SMAD2: variants seen among roughly 807,000 people sequenced by gnomAD.
SMAD2 encodes the protein SMAD family member 2.
Under a neutral mutation model 64.4 loss-of-function variants are expected in SMAD2, and 8 were observed. That is an observed-to-expected ratio of 0.12 (90% CI 0.07 to 0.22). The LOEUF is 0.22. Among genes scored for constraint, SMAD2 ranks in the 10% least tolerant of loss-of-function variants. SMAD2 has a pLI of 1.00. For synonymous variants in SMAD2, 203 were observed against 195.8 expected (o/e 1.04, Z -0.31); for missense variants, 289 against 561.2 (o/e 0.51, Z 4.90).
intron 8 of SMAD2, among the ~76,000 whole-genome samples, chr18:47,847,304 A>G (rs1914594543): frequency 6.6e-6 from 1 of 152,186 alleles, no homozygotes; most frequent in African/African-American, 2.4e-5. Context: ...TCTAGTCACT[A>G]TCATTTTGCA....
At chr18:47,900,440 T>C (rs1598862599) in intron 1 of SMAD2, among the ~76,000 whole-genome samples, 1 of 152,158 alleles carries the variant, frequency 6.6e-6, no homozygotes. Context: ...GGCTGTAGGA[T>C]CCGTAGTGAT....
chr18:47,874,032 G>A (rs1479558663), intron 2 of SMAD2, among the ~76,000 whole-genome samples: 1 of 152,140 alleles, frequency 6.6e-6, no homozygotes, highest in Non-Finnish European at 1.5e-5. Context: ...TTTGCTCAAA[G>A]ATATTTTTTA....
At chr18:47,913,019 A>G (rs1001400696) in intron 1 of SMAD2, among the ~76,000 whole-genome samples, 1 of 151,990 alleles carries the variant, frequency 6.6e-6, no homozygotes, top group African/African-American at 2.4e-5. Flanking sequence ...TCCCAGGTTC[A>G]AGCAGTTCTC....
intron 2 of SMAD2, among the ~76,000 whole-genome samples, chr18:47,878,935 G>C (rs1212368697): frequency 6.6e-6 from 1 of 152,066 alleles, no homozygotes; most frequent in African/African-American, 2.4e-5. Flanking sequence ...GGGTGTATGT[G>C]GGCAGCCTGG....
chr18:47,885,783 G>A (rs1338260017), intron 2 of SMAD2, among the ~76,000 whole-genome samples: 1 of 152,130 alleles, frequency 6.6e-6, no homozygotes, highest in African/African-American at 2.4e-5. Flanking sequence ...GCAACATGAT[G>A]AAACCCTGTC....
chr18:47,841,571 T>C lies in SMAD2; in HGVS notation c.*256A>G, dbSNP rs1036311323. ...TAAACCTTTGGGACACTCAGTTTTA[T>C]GCCCAATAAGACATCATTAAGTCTT... On this transcript the variant is annotated 3_prime_UTR_variant, in exon 11 of 11. Coordinates refer to ENST00000262160, the MANE Select transcript of SMAD2 (RefSeq NM_005901.6). 2 of 518,568 alleles carry C rather than the reference T, an allele frequency of 3.9e-6. No homozygotes were observed. The highest frequency in any genetic ancestry group is 3.3e-5 in the East Asian group (1 of 30,190). The allele number at this position is 518,568 out of a possible 1,614,324, so 32.1% of individuals were successfully genotyped here. A position where few individuals can be genotyped will look rare whatever the true frequency, so the allele number is the denominator to read the frequency against.
At chr18:47,896,222 T>C (rs1284968459) in intron 2 of SMAD2, among the ~76,000 whole-genome samples, 4 of 152,218 alleles carry the variant, frequency 2.6e-5, no homozygotes, top group Non-Finnish European at 4.4e-5. Context: ...ATGTTAGTGA[T>C]AGAAAAAGCT....
At chr18:47,856,366 CTA>C (rs1379288475) in intron 6 of SMAD2, among the ~76,000 whole-genome samples, 57 of 152,110 alleles carry the variant, frequency 3.7e-4, no homozygotes, top group Non-Finnish European at 5.9e-5. Flanking sequence ...AAAAAGGTGA[CTA>C]TGTGAGATGA....
In SMAD2 at chr18:47,810,072, C is replaced by A. The variant is rs1356044674; in HGVS notation, c.*31755G>T. The A allele has an allele frequency of 6.6e-6, 1 of 152,200 alleles. No homozygotes were observed. Among genetic ancestry groups the A allele is most frequent in the African/African-American group, 2.4e-5 (1 of 41,442 alleles). The allele number at this position is 152,200 out of a possible 1,614,324, so 9.4% of individuals were successfully genotyped here. ...ATGAAGTCAGAGGGCTTCTGCCATC[C>A]TGCCTGCCTAGACGAGCTGATCTGA... On this transcript the variant is annotated 3_prime_UTR_variant, in exon 11 of 11. Coordinates refer to ENST00000262160, the MANE Select transcript of SMAD2 (RefSeq NM_005901.6).
chr18:47,860,305 G>A (rs890850446), intron 6 of SMAD2, among the ~76,000 whole-genome samples: 2 of 152,002 alleles, frequency 1.3e-5, no homozygotes, highest in African/African-American at 2.4e-5. Context: ...ACAAGGTCTC[G>A]CTGTTGCCCA....
chr18:47,855,373 AAGG>A (rs778565113), intron 6 of SMAD2, among the ~76,000 whole-genome samples: 1 of 152,202 alleles, frequency 6.6e-6, no homozygotes, highest in African/African-American at 2.4e-5. Flanking sequence ...GGTAAATACC[AAGG>A]AGAAGCAAGA....
intron 2 of SMAD2, among the ~76,000 whole-genome samples, chr18:47,893,306 G>A (rs1230427821): frequency 6.6e-6 from 1 of 152,292 alleles, no homozygotes; most frequent in African/African-American, 2.4e-5. Context: ...GGGACACAAA[G>A]CCAGGACTAT....
rs1318317027 is a variant in SMAD2, at chr18:47,831,901, AT to A, written c.*9925del. 2.4e-5 allele frequency: 3 copies of A among 123,474 alleles called. No individual in the cohort carries two copies. The highest frequency in any genetic ancestry group is 9.2e-5 in the African/African-American group (3 of 32,754). The allele number at this position is 123,474 out of a possible 1,614,324, so 7.6% of individuals were successfully genotyped here. A position where few individuals can be genotyped will look rare whatever the true frequency, so the allele number is the denominator to read the frequency against. On this transcript the variant is annotated 3_prime_UTR_variant, in exon 11 of 11. Transcript: ENST00000262160. ...CTATTCCTTTATTTGTAAACTTATAATTTTTAGGTTGGGCTTACTATTTTGA... is the reference window on the plus strand; with the variant it reads ...CTATTCCTTTATTTGTAAACTTATAATTTTAGGTTGGGCTTACTATTTTGA...
At chr18:47,877,350 T>A (rs1258563268) in intron 2 of SMAD2, among the ~76,000 whole-genome samples, 1 of 152,108 alleles carries the variant, frequency 6.6e-6, no homozygotes, top group Admixed American at 6.6e-5. Context: ...AGGGGAGTAA[T>A]CTGTAACTAT....
intron 1 of SMAD2, among the ~76,000 whole-genome samples, chr18:47,917,813 A>T (rs1430476939): frequency 1.3e-5 from 2 of 152,110 alleles, no homozygotes; most frequent in Non-Finnish European, 2.9e-5. Context: ...TCAGCCTCCC[A>T]AAGTGCTAGG....
rs534134169 is a variant in SMAD2, at chr18:47,820,321, A to G, written c.*21506T>C. The G allele has an allele frequency of 6.6e-6, 1 of 152,314 alleles. No homozygotes were observed. Among genetic ancestry groups the G allele is most frequent in the East Asian group, 1.9e-4 (1 of 5,188 alleles). 9.4% of individuals were successfully genotyped at this position (152,314 alleles called of 1,614,324 possible). On this transcript the variant is annotated 3_prime_UTR_variant, in exon 11 of 11. Transcript: ENST00000262160. ...AGGTTTTCACTAAAAATTAAGGTTA[A>G]TAAGTTAAAATTTGAAAATACACAA...
chr18:47,903,876 T>TGGG lies in SMAD2; in HGVS notation c.-53-7070_-53-7068dup, dbSNP rs61222491. ...AAACACAAAGAGGGAAAAAACAGTG[T>TGGG]GGGGGGGGGGGGGACTCAGAATATC... On this transcript the variant is annotated intron_variant, in intron 1 of 10. Coordinates refer to ENST00000262160, the MANE Select transcript of SMAD2 (RefSeq NM_005901.6). Among the ~76,000 whole-genome samples, 66 of 49,038 alleles carry TGGG rather than the reference T, an allele frequency of 1.3e-3. 2 individuals are homozygous for TGGG. Among genetic ancestry groups the TGGG allele is most frequent in the Admixed American group, 1.5e-3 (5 of 3,324 alleles). 32.2% of individuals were successfully genotyped at this position (49,038 alleles called of 152,430 possible).
chr18:47,901,890 C>T (rs1329582060), intron 1 of SMAD2, among the ~76,000 whole-genome samples: 1 of 152,144 alleles, frequency 6.6e-6, no homozygotes, highest in Non-Finnish European at 1.5e-5. Context: ...TGGCAAATGT[C>T]TACGGGGGAA....
At position 47,812,367 on chromosome 18, in the gene SMAD2, C is replaced by T. The variant is rs1202614995; in HGVS notation, c.*29460G>A. On this transcript the variant is annotated 3_prime_UTR_variant, in exon 11 of 11. Transcript: ENST00000262160. The stretch of plus-strand genomic sequence containing the variant: ...CATGTAAAACTGTGAGTCAATTAAA[C>T]CTCTTTTATAAATTACCCAGTCTCC... The T allele has an allele frequency of 6.6e-6, 1 of 152,114 alleles. No homozygotes were observed. The highest frequency in any genetic ancestry group is 2.4e-5 in the African/African-American group (1 of 41,424). 9.4% of individuals were successfully genotyped at this position (152,114 alleles called of 1,614,324 possible).
Sources: gnomAD v4.1 joint callset for allele counts (sites outside exome capture counted in the v4.1 genomes callset) on GRCh38, gnomAD v4.1.1 for gene constraint, MANE v1.5 for transcripts, NCBI Gene and HGNC (gene_info 2026-07-23, HGNC 2026-07-21) for gene names.